The following SPADH variants were observed in gnomAD, a reference collection of about 807,000 sequenced individuals.
The protein encoded by SPADH is CUB domain-containing protein.
At chr10:122,674,870 TA>T in the SPADH span, among the ~76,000 whole-genome samples, 7 of 152,144 alleles carry the variant, frequency 4.6e-5, no homozygotes, top group Admixed American at 4.6e-4. Flanking sequence ...TAGGGAGAGT[TA>T]AAAACTTTGT....
At chr10:122,678,659 G>C in the SPADH span, among the ~76,000 whole-genome samples, 16 of 152,062 alleles carry the variant, frequency 1.1e-4, no homozygotes, top group Admixed American at 3.3e-4. Context: ...GAAGATGGAG[G>C]GGGTGCTCGG....
At chr10:122,675,355 G>A in the SPADH span, among the ~76,000 whole-genome samples, 1 of 152,144 alleles carries the variant, frequency 6.6e-6, no homozygotes, top group Non-Finnish European at 1.5e-5. Flanking sequence ...TTAATTGAGT[G>A]GAATGGGAAA....
At chr10:122,675,788 A>C in the SPADH span, 4 of 258,050 alleles carry the variant, frequency 1.6e-5, no homozygotes, top group Non-Finnish European at 2.4e-5. Context: ...TTCTTGTCCA[A>C]AAGGACTTGG....
chr10:122,673,444 C>T, the SPADH span, among the ~76,000 whole-genome samples: 1 of 152,056 alleles, frequency 6.6e-6, no homozygotes, highest in African/African-American at 2.4e-5. Context: ...GCAGCAACTT[C>T]GGGAGGAGCA....
chr10:122,676,922 T>C, the SPADH span: 58 of 985,332 alleles, frequency 5.9e-5, no homozygotes, highest in South Asian at 2.4e-3. Context: ...TTTTCTTTGA[T>C]GTTGTTGGTA....
At chr10:122,677,587 C>T in the SPADH span, among the ~76,000 whole-genome samples, 1 of 152,302 alleles carries the variant, frequency 6.6e-6, no homozygotes, top group East Asian at 1.9e-4. Flanking sequence ...ATTGATATCC[C>T]AGGGCAGTGT....
chr10:122,675,254 A>T, the SPADH span, among the ~76,000 whole-genome samples: 1 of 152,214 alleles, frequency 6.6e-6, no homozygotes, highest in Non-Finnish European at 1.5e-5. Flanking sequence ...TAGCTAAAAA[A>T]TCAGGAATGT....
chr10:122,678,946 CTCT>C, the SPADH span: 3 of 984,366 alleles, frequency 3.0e-6, no homozygotes, highest in Non-Finnish European at 2.4e-6. Flanking sequence ...CATTCTATTA[CTCT>C]TCTTCCAACA....
the SPADH span, chr10:122,679,131 T>A: frequency 2.3e-6 from 1 of 436,146 alleles, no homozygotes; most frequent in Non-Finnish European, 3.0e-6. Flanking sequence ...ACAGAGGCTA[T>A]ACCTGGGACT....
the SPADH span, among the ~76,000 whole-genome samples, chr10:122,673,629 CTA>C: frequency 6.6e-6 from 1 of 152,186 alleles, no homozygotes. Flanking sequence ...GTCTTCGTCT[CTA>C]TGTCTCTCTT....
the SPADH span, among the ~76,000 whole-genome samples, chr10:122,676,014 T>TG: frequency 6.6e-6 from 1 of 152,220 alleles, no homozygotes; most frequent in Admixed American, 6.5e-5. Flanking sequence ...ACCTGGAGTC[T>TG]GGAGATCTGA....
the SPADH span, among the ~76,000 whole-genome samples, chr10:122,677,745 C>T: frequency 2.0e-4 from 31 of 152,122 alleles, no homozygotes; most frequent in Non-Finnish European, 1.3e-4. Context: ...AATCCCACTA[C>T]GTTATGCAGG....
the SPADH span, among the ~76,000 whole-genome samples, chr10:122,677,780 C>A: frequency 1.3e-5 from 2 of 152,106 alleles, no homozygotes; most frequent in African/African-American, 4.8e-5. Context: ...AAGGACACTT[C>A]GAGACACCTG....
At chr10:122,678,915 G>A in the SPADH span, 8 of 984,540 alleles carry the variant, frequency 8.1e-6, no homozygotes, top group Non-Finnish European at 9.6e-6. Flanking sequence ...TCCTTGGACA[G>A]GATTTGTAAA....
chr10:122,673,293 T>C, the SPADH span, among the ~76,000 whole-genome samples: 1,345 of 152,258 alleles, frequency 8.8e-3, 13 homozygotes, highest in African/African-American at 0.03. Flanking sequence ...TTCCAGGTGG[T>C]CTGACGGCAG....
At chr10:122,675,537 C>A in the SPADH span, 1 of 267,116 alleles carries the variant, frequency 3.7e-6, no homozygotes, top group East Asian at 1.8e-4. Flanking sequence ...TGTCCCTTTG[C>A]ACTCAAGCTC....
chr10:122,674,192 C>G, the SPADH span, among the ~76,000 whole-genome samples: 1 of 152,248 alleles, frequency 6.6e-6, no homozygotes, highest in African/African-American at 2.4e-5. Flanking sequence ...CCCAACCCCT[C>G]TTAACCTCAG....
chr10:122,675,054 C>G, the SPADH span, among the ~76,000 whole-genome samples: 1 of 152,146 alleles, frequency 6.6e-6, no homozygotes, highest in Non-Finnish European at 1.5e-5. Context: ...TAACTCCAGT[C>G]CCTGAATAGT....
the SPADH span, chr10:122,679,033 T>C: frequency 1.0e-6 from 1 of 984,890 alleles, no homozygotes; most frequent in Non-Finnish European, 1.2e-6. Flanking sequence ...TTGTTGACGC[T>C]TGGTCAACAC....
Sources: gnomAD v4.1 joint callset for allele counts (sites outside exome capture counted in the v4.1 genomes callset) on GRCh38, gnomAD v4.1.1 for gene constraint, MANE v1.5 for transcripts, NCBI Gene and HGNC (gene_info 2026-07-23, HGNC 2026-07-21) for gene names.